Variants in FAM227A observed in about 807,000 individuals in gnomAD.
FAM227A encodes the protein protein FAM227A.
Under a neutral mutation model 74.7 loss-of-function variants are expected in FAM227A, and 80 were observed. The observed-to-expected ratio is 1.07, with a 90% CI of 0.89 to 1.29. The LOEUF (loss-of-function observed/expected upper bound fraction) is 1.29. Ranked by LOEUF, FAM227A falls within the 50% of genes most tolerant of loss-of-function variation. The pLI, the probability that FAM227A is intolerant of heterozygous loss-of-function variation, is 0.00. For synonymous variants in FAM227A, 237 were observed against 241.8 expected (o/e 0.98, Z 0.19); for missense variants, 654 against 683.4 (o/e 0.96, Z 0.48).
intron 13 of FAM227A, 53 bp from the exon 14 acceptor site, chr22:38,599,974 G>C: frequency 6.8e-7 from 1 of 1,460,360 alleles, no homozygotes; most frequent in South Asian, 1.4e-5. Flanking sequence ...TTTACAGTCT[G>C]TATTAAGAAC....
intron 8 of FAM227A, among the ~76,000 whole-genome samples, chr22:38,626,960 G>C (rs1409569695): frequency 7.0e-6 from 1 of 142,546 alleles, no homozygotes. Context: ...AGCTAGGTGT[G>C]GTGGTGCATG....
chr22:38,620,252 G>C lies in FAM227A; in HGVS notation c.998C>G (p.Ser333Cys), dbSNP rs1486094004. ...TTTCCTGCTCTGGGCTGGCTTCTGG[G>C]AGAAGGCTCTCTTACCAGCAAACAA... The part of the protein sequence containing the change: ...FSLFAGKRAF[S>C]QKPAQSRKFY... The change falls in exon 11 of 17, where the codon TCC becomes TGC. Residue 333 changes from serine to cysteine, a missense_variant. Coordinates refer to ENST00000535113, the MANE Select transcript of FAM227A (RefSeq NM_001013647.2). The C allele has an allele frequency of 1.3e-6, 2 of 1,551,320 alleles. No individual in the cohort carries two copies. The highest frequency in any genetic ancestry group is 1.4e-5 in the African/African-American group (1 of 73,032).
Position 38,620,244 on chromosome 22 carries a change from G to T in FAM227A, c.1006C>A (p.Pro336Thr), listed in dbSNP as rs1028758884. Residue 336 changes from proline to threonine, a missense_variant, in exon 11 of 17, where the codon CCA (proline) becomes ACA (threonine). Physicochemically the swap from Pro to Thr is conservative, Grantham distance 38. Transcript: ENST00000535113. Reference protein sequence around the residue: ...FAGKRAFSQKPAQSRKFYHPQ... With the variant: ...FAGKRAFSQKTAQSRKFYHPQ... Reference sequence around the variant, plus strand: ...TGGTAGAATTTCCTGCTCTGGGCTGGCTTCTGGGAGAAGGCTCTCTTACCA... The same window carrying T: ...TGGTAGAATTTCCTGCTCTGGGCTGTCTTCTGGGAGAAGGCTCTCTTACCA... The T allele has an allele frequency of 3.7e-5, 58 of 1,551,272 alleles. No homozygotes were observed. The highest frequency in any genetic ancestry group is 3.4e-4 in the Middle Eastern group (2 of 5,930).
intron 14 of FAM227A, among the ~76,000 whole-genome samples, chr22:38,599,343 G>T (rs887991567): frequency 7.2e-5 from 11 of 152,138 alleles, no homozygotes; most frequent in Non-Finnish European, 1.5e-4. Context: ...ATGCTGATGG[G>T]TCTAAGGGAG....
chr22:38,649,881 AAAG>A (rs1569244529), intron 2 of FAM227A, 143 bp downstream of exon 2: 13,106 of 416,830 alleles, frequency 0.031, 63 homozygotes, highest in East Asian at 0.05. Context: ...AAAAAAAAAG[AAAG>A]AAAAGAAAAG....
chr22:38,650,141 T>G lies in FAM227A; in HGVS notation c.28A>C (p.Ile10Leu), dbSNP rs1241323842. The change falls in exon 2 of 17, where the codon ATC (isoleucine) becomes CTC (leucine). Residue 10 changes from isoleucine (I) to leucine (L), a missense_variant. Ile to Leu is a conservative substitution (Grantham distance 5). Coordinates refer to ENST00000535113, the MANE Select transcript of FAM227A (RefSeq NM_001013647.2). ...ATCATAGGTAGGGTGGTGAGGTTGA[T>G]GACCTCCATCTTCCTGAAGTGATTC... is the stretch of plus-strand genomic sequence containing the variant. MNHFRKMEV[I>L]NLTTLPMIPV... 3.2e-6 allele frequency: 5 copies of G among 1,551,710 alleles called. No homozygotes were observed. Among genetic ancestry groups the G allele is most frequent in the Non-Finnish European group, 4.4e-6 (5 of 1,147,032 alleles).
chr22:38,631,472 C>T (rs1353473723), intron 6 of FAM227A, among the ~76,000 whole-genome samples: 1 of 152,020 alleles, frequency 6.6e-6, no homozygotes, highest in African/African-American at 2.4e-5. Context: ...CACTAGAAGC[C>T]CAATCCTCAC....
intron 2 of FAM227A, among the ~76,000 whole-genome samples, chr22:38,649,577 A>G (rs1481749286): frequency 1.3e-5 from 2 of 149,848 alleles, no homozygotes; most frequent in Non-Finnish European, 3.0e-5. Context: ...AAAAAAAAAA[A>G]GGAATATGGC....
rs1488225606 is a variant in FAM227A at position 38,638,773 on chromosome 22, T to C, written c.345A>G (p.Arg115=). 1 of 1,548,018 alleles carries C rather than the reference T, an allele frequency of 6.5e-7. No individual in the cohort carries two copies. The highest frequency in any genetic ancestry group is 8.7e-7 in the Non-Finnish European group (1 of 1,145,962). The change falls in exon 5 of 17, where the codon AGA becomes AGG. Residue 115 remains arginine, a synonymous_variant. Coordinates refer to ENST00000535113, the MANE Select transcript of FAM227A (RefSeq NM_001013647.2). ...SQYSCKGSEL[R]HARSSVIKRK... ...TTTTTATAACAGAAGATCTGGCATG[T>C]CTGAGTTCGGAGCCTTTGCAGGAAT...
At chr22:38,586,445 G>C (rs2090811669) in intron 16 of FAM227A, among the ~76,000 whole-genome samples, 1 of 152,032 alleles carries the variant, frequency 6.6e-6, no homozygotes, top group African/African-American at 2.4e-5. Flanking sequence ...TGTCGGATCT[G>C]AACTGGGCCC....
rs544875690 is a variant in FAM227A, at chr22:38,618,839, T to C, written c.1038+1373A>G. ...CAACTCTGCTGTTTCAGTGTGAAGG[T>C]AGTTGTAGACAATAGTAAATGAATG... On this transcript the variant is annotated intron_variant, in intron 11 of 16. Coordinates refer to ENST00000535113, the MANE Select transcript of FAM227A (RefSeq NM_001013647.2). Among the ~76,000 whole-genome samples, 278 of 152,226 alleles carry C rather than the reference T, an allele frequency of 1.8e-3. 2 individuals carry two copies. Among genetic ancestry groups the C allele is most frequent in the African/African-American group, 6.1e-3 (255 of 41,532 alleles).
In FAM227A at chr22:38,582,501, C is replaced by T. The variant is rs994232671; in HGVS notation, c.*3624G>A. On this transcript the variant is annotated 3_prime_UTR_variant, in exon 17 of 17. Coordinates refer to ENST00000535113, the MANE Select transcript of FAM227A (RefSeq NM_001013647.2). ...ATGTTAGTTCCCTTTGATGCTCTAC[C>T]CCGCTTCCCTTATAAAGGGCAAATA... 14 of 1,344,406 alleles carry T rather than the reference C, an allele frequency of 1.0e-5. No individual in the cohort carries two copies. The Admixed American group carries it at 2.6e-4, about 25-fold the overall frequency. The allele number at this position is 1,344,406 out of a possible 1,614,324, so 83.3% of individuals were successfully genotyped here.
chr22:38,641,663 T>C (rs1396628107), intron 3 of FAM227A, among the ~76,000 whole-genome samples: 3 of 151,660 alleles, frequency 2.0e-5, no homozygotes, highest in African/African-American at 2.4e-5. Context: ...CTCTGCCTCA[T>C]AGCCACCATC....
rs1363310204 is a variant in FAM227A at position 38,584,128 on chromosome 22, C to A, written c.*1997G>T. 2 of 152,246 alleles carry A rather than the reference C, an allele frequency of 1.3e-5. No individual in the cohort carries two copies. The highest frequency in any genetic ancestry group is 4.8e-5 in the African/African-American group (2 of 41,434). The allele number at this position is 152,246 out of a possible 1,614,324, so 9.4% of individuals were successfully genotyped here. On this transcript the variant is annotated 3_prime_UTR_variant, in exon 17 of 17. Transcript: ENST00000535113. ...CTGCCTTGGTTTTTCTCAGATTCCA[C>A]GCAGCTTTCTATCGGAGCATTAATG...
chr22:38,654,390 A>C (rs1351572727), intron 1 of FAM227A, among the ~76,000 whole-genome samples: 5 of 151,872 alleles, frequency 3.3e-5, no homozygotes, highest in Non-Finnish European at 7.4e-5. Context: ...TATGCCATCC[A>C]AAATGTACCA....
At chr22:38,624,463 G>C (rs966523857) in intron 9 of FAM227A, among the ~76,000 whole-genome samples, 3 of 152,166 alleles carry the variant, frequency 2.0e-5, no homozygotes, top group African/African-American at 4.8e-5. Flanking sequence ...CCTTAGAAAG[G>C]CCTGCTTGCG....
intron 11 of FAM227A, among the ~76,000 whole-genome samples, chr22:38,613,116 T>TTATATATAATTATATATAATA (rs2091461777): frequency 1.1e-5 from 1 of 91,130 alleles, no homozygotes; most frequent in Non-Finnish European, 1.9e-5. Context: ...TATATATATA[T>TTATATATAATTATATATAATA]TATATATAAT....
intron 9 of FAM227A, among the ~76,000 whole-genome samples, chr22:38,625,060 G>A (rs2091767515): frequency 6.6e-6 from 1 of 152,094 alleles, no homozygotes. Context: ...AAAATGTCAA[G>A]GTTGAGGTGG....
chr22:38,628,837 G>C lies in FAM227A; in HGVS notation c.618C>G (p.Tyr206Ter). 1 of 1,501,778 alleles carries C rather than the reference G, an allele frequency of 6.7e-7. No individual in the cohort carries two copies. Among genetic ancestry groups the C allele is most frequent in the Non-Finnish European group, 9.0e-7 (1 of 1,105,696 alleles). 93.0% of individuals were successfully genotyped at this position (1,501,778 alleles called of 1,614,324 possible). Residue 206 changes from tyrosine to a stop codon, truncating the protein, a stop_gained, in exon 7 of 17, where the codon TAC (tyrosine) becomes TAG (stop). Coordinates refer to ENST00000535113, the MANE Select transcript of FAM227A (RefSeq NM_001013647.2). LOFTEE classifies it high-confidence loss of function. ...AAACAAGCAGATTTGTATTTACCTG[G>C]TACCTCTCATGAAATATCCACCAAA... ...DSFWWIFHER[Y>*]QPNKELQNNL...
Sources: gnomAD v4.1 joint callset for allele counts (sites outside exome capture counted in the v4.1 genomes callset) on GRCh38, gnomAD v4.1.1 for gene constraint, MANE v1.5 for transcripts, NCBI Gene and HGNC (gene_info 2026-07-23, HGNC 2026-07-21) for gene names.